Variants in NQO2 observed in about 807,000 individuals in gnomAD.
The protein encoded by NQO2 is ribosyldihydronicotinamide dehydrogenase [quinone].
In NQO2, 18 loss-of-function variants were observed where a neutral mutation model predicts 22.0. That is an observed-to-expected ratio of 0.82 (90% CI 0.56 to 1.21). NQO2 has a LOEUF of 1.21. NQO2 is among the 50% of genes most tolerant of loss of function. The pLI is 0.00. For missense variants in NQO2, 267 were observed against 286.9 expected (o/e 0.93, Z 0.50); for synonymous variants, 106 against 110.8 (o/e 0.96, Z 0.28).
At chr6:3,005,566 G>C (rs970883371) in intron 1 of NQO2, 2 of 796,234 alleles carry the variant, frequency 2.5e-6, no homozygotes, top group Non-Finnish European at 3.0e-6. Context: ...CAAGCCTTCT[G>C]CCCATTTTTG....
intron 1 of NQO2, chr6:3,003,527 C>T (rs964759907): frequency 1.6e-4 from 146 of 936,464 alleles, no homozygotes; most frequent in Non-Finnish European, 1.8e-4. Flanking sequence ...GACCCAAAGG[C>T]CTCATCCTCA....
intron 3 of NQO2, among the ~76,000 whole-genome samples, chr6:3,010,915 C>T (rs9378352): frequency 0.57 from 85,791 of 151,226 alleles, 24,807 homozygotes; most frequent in Non-Finnish European, 0.63. Flanking sequence ...CATAAACCAC[C>T]ATCTAGTGCC....
chr6:3,009,893 A>C (rs1004762181), intron 2 of NQO2, 132 bp from the exon 3 acceptor site: 8 of 1,421,786 alleles, frequency 5.6e-6, no homozygotes, highest in Admixed American at 5.7e-5. Flanking sequence ...AGACAGAAAG[A>C]AAAGAAAATT....
chr6:3,018,770 C>T (rs1457494772), intron 6 of NQO2, among the ~76,000 whole-genome samples: 1 of 151,736 alleles, frequency 6.6e-6, no homozygotes, highest in Non-Finnish European at 1.5e-5. Flanking sequence ...TGCTTCTTCA[C>T]AGGCCAACTG....
intron 4 of NQO2, among the ~76,000 whole-genome samples, chr6:3,013,509 A>T (rs1302820709): frequency 6.6e-6 from 1 of 151,966 alleles, no homozygotes; most frequent in African/African-American, 2.4e-5. Context: ...ATCAGGCCAA[A>T]TGCATCTCCT....
At chr6:3,005,553 A>G (rs750448591) in intron 1 of NQO2, 5 of 659,384 alleles carry the variant, frequency 7.6e-6, no homozygotes, top group Non-Finnish European at 9.4e-6. Context: ...AGAAAAGCCT[A>G]CACAAGCCTT....
In NQO2 at chr6:3,015,758, A is replaced by G. The variant is rs1428942409; in HGVS notation, c.417+115A>G. 9.4e-6 allele frequency: 9 copies of G among 960,186 alleles called. No homozygotes were observed. The East Asian group carries it at 2.3e-4, about 25-fold the overall frequency. The allele number at this position is 960,186 out of a possible 1,614,324, so 59.5% of individuals were successfully genotyped here. On this transcript the variant is annotated intron_variant, in intron 5 of 6. Coordinates refer to ENST00000380455, the MANE Select transcript of NQO2 (RefSeq NM_000904.6). ...TCCTTTTCTTAGCAAATATCGATTGAGCACCCACTATGTACAAAGCACCAT... is the reference window on the plus strand; with the variant it reads ...TCCTTTTCTTAGCAAATATCGATTGGGCACCCACTATGTACAAAGCACCAT...
At chr6:3,003,882 A>G (rs1319334980) in intron 1 of NQO2, 2 of 153,620 alleles carry the variant, frequency 1.3e-5, no homozygotes, top group Non-Finnish European at 2.8e-5. Context: ...ATGTTTCTGC[A>G]TGGAAAATAC....
At chr6:3,012,946 CTTTTTT>C (rs751626888) in intron 4 of NQO2, among the ~76,000 whole-genome samples, 1,874 of 60,602 alleles carry the variant, frequency 0.031, 29 homozygotes, top group South Asian at 0.08. Context: ...TGTAACACTA[CTTTTTT>C]TTTTTTTTTT....
At position 3,019,625 on chromosome 6, in the gene NQO2, C is replaced by T. The variant is rs749606129; in HGVS notation, c.666C>T (p.Pro222=). The change falls in exon 7 of 7, where the codon CCC becomes CCT. Residue 222 remains proline (P), a synonymous_variant. Coordinates refer to ENST00000380455, the MANE Select transcript of NQO2 (RefSeq NM_000904.6). ...LQTIWKEEPI[P]CTAHWHFGQ ...CCATCTGGAAGGAAGAGCCCATCCC[C>T]TGCACAGCCCACTGGCACTTCGGGC... 1 of 1,613,276 alleles carries T rather than the reference C, an allele frequency of 6.2e-7. No homozygotes were observed. Among genetic ancestry groups the T allele is most frequent in the Non-Finnish European group, 8.5e-7 (1 of 1,179,556 alleles).
At chr6:3,012,345 G>A (rs1488371538) in intron 3 of NQO2, 199 bp from the exon 4 acceptor site, 1 of 954,386 alleles carries the variant, frequency 1.0e-6, no homozygotes, top group African/African-American at 1.8e-5. Context: ...CACCTGCTAG[G>A]TAGCAAGTGC....
At position 3,015,608 on chromosome 6, in the gene NQO2, G is replaced by C; in HGVS notation, c.382G>C (p.Asp128His). The C allele has an allele frequency of 6.2e-7, 1 of 1,614,170 alleles. No homozygotes were observed. Among genetic ancestry groups the C allele is most frequent in the Non-Finnish European group, 8.5e-7 (1 of 1,180,018 alleles). ...GGTGCTGTGCCAGGGCTTTGCCTTTGACATCCCAGGATTCTACGATTCCGG... is the reference window on the plus strand; with the variant it reads ...GGTGCTGTGCCAGGGCTTTGCCTTTCACATCCCAGGATTCTACGATTCCGG... The part of the protein sequence containing the change: ...DRVLCQGFAF[D>H]IPGFYDSGLL... The change falls in exon 5 of 7, where the codon GAC becomes CAC. Residue 128 changes from aspartate (D) to histidine (H), a missense_variant. Physicochemically the swap from Asp to His is moderately conservative, Grantham distance 81. Transcript: ENST00000380455.
intron 2 of NQO2, among the ~76,000 whole-genome samples, chr6:3,007,423 C>A (rs1320165689): frequency 6.6e-6 from 1 of 152,156 alleles, no homozygotes; most frequent in Non-Finnish European, 1.5e-5. Flanking sequence ...AAATGTTAAC[C>A]ATGAATCTAA....
At chr6:3,001,468 T>TA (rs1435704998) in intron 1 of NQO2, among the ~76,000 whole-genome samples, 1 of 151,950 alleles carries the variant, frequency 6.6e-6, no homozygotes, top group Non-Finnish European at 1.5e-5. Flanking sequence ...GCCAAAGAAA[T>TA]ACATGAAAAG....
intron 6 of NQO2, among the ~76,000 whole-genome samples, chr6:3,018,888 A>G (rs992636593): frequency 1.3e-5 from 2 of 151,844 alleles, no homozygotes; most frequent in Non-Finnish European, 2.9e-5. Flanking sequence ...AAAAGAGACA[A>G]TATGAAATAT....
rs1757466070 is a variant in NQO2 at position 3,019,542 on chromosome 6, A to C, written c.583A>C (p.Ile195Leu). The change falls in exon 7 of 7, where the codon ATT (isoleucine) becomes CTT (leucine). Residue 195 changes from isoleucine (I) to leucine (L), a missense_variant. Ile to Leu is a conservative substitution (Grantham distance 5). Transcript: ENST00000380455. ...CCCTCAGATCAGCTTTGCTCCTGAA[A>C]TTGCATCCGAAGAAGAAAGAAAGGG... ...LAPQISFAPE[I>L]ASEEERKGMV... is the part of the protein sequence containing the mutation. The C allele has an allele frequency of 6.2e-7, 1 of 1,614,070 alleles. No individual in the cohort carries two copies. The highest frequency in any genetic ancestry group is 8.5e-7 in the Non-Finnish European group (1 of 1,180,036).
chr6:3,013,245 G>A lies in NQO2; in HGVS notation c.303+571G>A, dbSNP rs28383633. Reference sequence around the variant, plus strand: ...GCTGGGATTACAGGCGTGAGCCACCGCGCCCGGCCGATGTAACACTACTTT... The same window carrying A: ...GCTGGGATTACAGGCGTGAGCCACCACGCCCGGCCGATGTAACACTACTTT... On this transcript the variant is annotated intron_variant, in intron 4 of 6. Transcript: ENST00000380455. Among the ~76,000 whole-genome samples the A allele has an allele frequency of 6.9e-3, 1,053 of 152,048 alleles. 9 individuals carry two copies. Among genetic ancestry groups the A allele is most frequent in the African/African-American group, 0.024 (1,001 of 41,446 alleles).
chr6:3,005,797 C>T, intron 1 of NQO2: 1 of 985,388 alleles, frequency 1.0e-6, no homozygotes. Flanking sequence ...GTCTCTCTCT[C>T]ACTCTTCTGG....
At chr6:3,000,839 CTTTTTCT>C (rs796574744) in intron 1 of NQO2, among the ~76,000 whole-genome samples, 62 of 147,878 alleles carry the variant, frequency 4.2e-4, no homozygotes, top group African/African-American at 1.5e-3. Context: ...TCCCGGCCCT[CTTTTTCT>C]TTTTTCTTTT....
Sources: allele counts gnomAD v4.1 joint callset (sites outside exome capture counted in the v4.1 genomes callset), GRCh38; gene constraint gnomAD v4.1.1; transcripts MANE v1.5; gene names NCBI Gene and HGNC (gene_info 2026-07-23, HGNC 2026-07-21).